MYH2: variants seen among roughly 807,000 people sequenced by gnomAD.
MYH2 encodes the protein myosin-2.
A neutral mutation model predicts 228.1 loss-of-function variants in MYH2; 139 were observed. The observed-to-expected ratio is 0.61, with a 90% CI of 0.53 to 0.70. MYH2 has a LOEUF of 0.70. MYH2 is among the 30% of genes least tolerant of loss of function. The pLI, the probability that MYH2 is intolerant of heterozygous loss-of-function variation, is 0.00. For synonymous variants in MYH2, 796 were observed against 871.1 expected (o/e 0.91, Z 1.52); for missense variants, 1,809 against 2,357.5 (o/e 0.77, Z 4.82).
At chr17:10,526,847 T>G in intron 29 of MYH2, 52 bp from the exon 30 acceptor site, 1 of 1,614,140 alleles carries the variant, frequency 6.2e-7, no homozygotes, top group Non-Finnish European at 8.5e-7. Context: ...TATTTAACTC[T>G]TAACTTTCAA....
intron 30 of MYH2, 98 bp downstream of exon 30, chr17:10,526,501 G>A: frequency 6.4e-7 from 1 of 1,564,026 alleles, no homozygotes; most frequent in Non-Finnish European, 8.8e-7. Flanking sequence ...GCAGATTAAT[G>A]AGCATTTGTG....
At chr17:10,528,112 C>T (rs547918106) in intron 27 of MYH2, among the ~76,000 whole-genome samples, 4 of 142,852 alleles carry the variant, frequency 2.8e-5, no homozygotes, top group East Asian at 4.3e-4. Flanking sequence ...GGCGTGATCT[C>T]GACTCACTGC....
rs2073320274 is a variant in MYH2, at chr17:10,524,231, T to C, written c.5175+235A>G. 6.6e-6 allele frequency among the ~76,000 whole-genome samples: 1 copy of C among 152,204 alleles called. No individual in the cohort carries two copies. The highest frequency in any genetic ancestry group is 1.5e-5 in the Non-Finnish European group (1 of 68,040). ...TATTGATAATGAGGGCCAATAAAGA[T>C]ATTAACACAATAGAATACGGGGGCA... On this transcript the variant is annotated intron_variant, in intron 35 of 39. Transcript: ENST00000245503. This position sits in a 1 kb window ranked among gnomAD's most constrained non-coding sequence, Gnocchi z 4.7.
At chr17:10,535,990 A>T (rs976794824) in intron 17 of MYH2, among the ~76,000 whole-genome samples, 3 of 152,192 alleles carry the variant, frequency 2.0e-5, no homozygotes, top group African/African-American at 7.2e-5. Context: ...TTCATGGCTC[A>T]GCTAGATTAT....
In MYH2 at chr17:10,539,494, T is replaced by C. The variant is rs2073524872; in HGVS notation, c.1216A>G (p.Arg406Gly). The stretch of plus-strand genomic sequence containing the variant: ...ACATACTCATTGCCGACCTTGACCC[T>C]GGGGTAGCAGAGAGCTTTGAGCAGA... ...ADLLKALCYP[R>G]VKVGNEYVTK... Residue 406 changes from arginine to glycine, a missense_variant, in exon 13 of 40, where the codon AGG (arginine) becomes GGG (glycine). By Grantham distance (125) the Arg-to-Gly change is moderately radical. Transcript: ENST00000245503. 2.5e-6 allele frequency: 4 copies of C among 1,614,188 alleles called. No homozygotes were observed. Among genetic ancestry groups the C allele is most frequent in the Non-Finnish European group, 3.4e-6 (4 of 1,180,032 alleles).
intron 4 of MYH2, among the ~76,000 whole-genome samples, chr17:10,545,834 CTT>C (rs1286825054): frequency 4.6e-5 from 7 of 152,076 alleles, no homozygotes; most frequent in Admixed American, 2.6e-4. Context: ...AGTGAGTACT[CTT>C]ATTTCTTCAA....
Position 10,533,315 on chromosome 17 carries a change from C to G in MYH2, c.2411G>C (p.Arg804Thr), listed in dbSNP as rs1234026985. 1 of 1,614,192 alleles carries G rather than the reference C, an allele frequency of 6.2e-7. No individual in the cohort carries two copies. The highest frequency in any genetic ancestry group is 8.5e-7 in the Non-Finnish European group (1 of 1,180,020). Residue 804 changes from arginine to threonine, a missense_variant, in exon 21 of 40, where the codon AGA becomes ACA. Coordinates refer to ENST00000245503, the MANE Select transcript of MYH2 (RefSeq NM_017534.6). ...CTCCACCATCCTCTGGTACTCCACT[C>G]TTGCCAAGAACCCTCTGCACCTGGC... ...TQARCRGFLA[R>T]VEYQRMVERR... is the part of the protein sequence containing the mutation.
chr17:10,548,354 AAG>A (rs966423090), intron 2 of MYH2, among the ~76,000 whole-genome samples: 36 of 152,328 alleles, frequency 2.4e-4, no homozygotes, highest in Admixed American at 2.3e-3. Context: ...TACTTTGAAA[AAG>A]AGGTTTAAAT....
At chr17:10,543,868 G>C (rs2073591283) in intron 7 of MYH2, 34 bp downstream of exon 7, 4 of 1,614,044 alleles carry the variant, frequency 2.5e-6, no homozygotes, top group Non-Finnish European at 3.4e-6. Flanking sequence ...AGTCCCGACA[G>C]AGTCTGGATT....
chr17:10,536,065 T>G (rs768020191), intron 17 of MYH2, among the ~76,000 whole-genome samples: 1 of 152,246 alleles, frequency 6.6e-6, no homozygotes, highest in Non-Finnish European at 1.5e-5. Context: ...TGACTTAGCA[T>G]GAAAAGTGAA....
In MYH2 at chr17:10,537,999, G is replaced by A; in HGVS notation, c.1417-164C>T. On this transcript the variant is annotated intron_variant, in intron 14 of 39. Transcript: ENST00000245503. This position sits in a 1 kb window ranked among gnomAD's most constrained non-coding sequence, Gnocchi z 4.0. ...AAATAAAAGGTGAAAAGTATGGAAG[G>A]TTTGAGGGCATGTGGAAGCTACTAT... The A allele has an allele frequency of 7.6e-7, 1 of 1,320,414 alleles. No individual in the cohort carries two copies. Among genetic ancestry groups the A allele is most frequent in the East Asian group, 2.5e-5 (1 of 39,576 alleles). The allele number at this position is 1,320,414 out of a possible 1,614,324, so 81.8% of individuals were successfully genotyped here.
chr17:10,527,079 C>T lies in MYH2; in HGVS notation c.3872-23G>A, dbSNP rs201576634. ...CACCTGATGGACAAAAGAAATGGCA[C>T]CATTTTTTAGGTGAAAAACAAGATT... On this transcript the variant is annotated intron_variant, in intron 28 of 39. Coordinates refer to ENST00000245503, the MANE Select transcript of MYH2 (RefSeq NM_017534.6). 1.2e-3 allele frequency: 1,874 copies of T among 1,600,648 alleles called. 3 individuals carry two copies. Among genetic ancestry groups the T allele is most frequent in the Non-Finnish European group, 1.5e-3 (1,740 of 1,167,954 alleles).
Position 10,523,793 on chromosome 17 carries a change from T to C in MYH2, c.5267A>G (p.Asn1756Ser), listed in dbSNP as rs1162667363. The change falls in exon 36 of 40, where the codon AAT (asparagine) becomes AGT (serine). Residue 1756 changes from asparagine (N) to serine (S), a missense_variant. By Grantham distance (46) the Asn-to-Ser change is conservative. This residue lies in a region of MYH2 where 278 missense variants were observed against 308.5 expected (regional missense o/e 0.90). Coordinates refer to ENST00000245503, the MANE Select transcript of MYH2 (RefSeq NM_017534.6). ...EMEDILQEAR[N>S]AEEKAKKAIT... is the part of the protein sequence containing the mutation. Reference sequence around the variant, plus strand: ...GGCCTTCTTGGCCTTTTCTTCTGCATTGCGGGCTTCCTGGAGAATGTCCTC... The same window carrying C: ...GGCCTTCTTGGCCTTTTCTTCTGCACTGCGGGCTTCCTGGAGAATGTCCTC... 1.9e-6 allele frequency: 3 copies of C among 1,614,114 alleles called. No homozygotes were observed. In the East Asian group the frequency reaches 6.7e-5, roughly 36 times the overall value.
At chr17:10,546,177 G>A (rs915763673) in intron 4 of MYH2, among the ~76,000 whole-genome samples, 1 of 142,748 alleles carries the variant, frequency 7.0e-6, no homozygotes, top group Non-Finnish European at 1.5e-5. Flanking sequence ...ATTTAAAAAA[G>A]TAAACATGAA....
chr17:10,546,401 G>A (rs1368401897), intron 4 of MYH2, among the ~76,000 whole-genome samples: 1 of 151,158 alleles, frequency 6.6e-6, no homozygotes, highest in East Asian at 1.9e-4. Context: ...TTGTATAGGT[G>A]TTGCCTAGCT....
At chr17:10,530,914 T>C (rs1413909429) in intron 22 of MYH2, among the ~76,000 whole-genome samples, 1 of 152,186 alleles carries the variant, frequency 6.6e-6, no homozygotes, top group Non-Finnish European at 1.5e-5. Flanking sequence ...GAAAAAAATA[T>C]GACTTTATGA....
Position 10,542,885 on chromosome 17 carries a change from TG to T in MYH2, c.893del (p.Pro298GlnfsTer8). 6.3e-7 allele frequency: 1 copy of T among 1,599,468 alleles called. No homozygotes were observed. The highest frequency in any genetic ancestry group is 8.6e-7 in the Non-Finnish European group (1 of 1,167,102). The stretch of plus-strand genomic sequence containing the variant: ...TATGACATTTCTTACCAATAAGTTC[TG>T]GTTTCTTATTCGATGTAATCTGGTA... ...IFYQITSNKK[P>X]ELIEMLLITT... is the part of the protein sequence containing the mutation. On this transcript the variant is annotated frameshift_variant, in exon 10 of 40. Transcript: ENST00000245503. LOFTEE classifies it high-confidence loss of function.
At chr17:10,542,645 G>A (rs902604207) in intron 10 of MYH2, among the ~76,000 whole-genome samples, 11 of 152,188 alleles carry the variant, frequency 7.2e-5, no homozygotes, top group African/African-American at 2.7e-4. Context: ...AGTGTTCATG[G>A]TGGTTATTTC....
chr17:10,537,104 T>G lies in MYH2; in HGVS notation c.1897+129A>C, dbSNP rs1452592749. 1.6e-6 allele frequency: 2 copies of G among 1,234,600 alleles called. No homozygotes were observed. The highest frequency in any genetic ancestry group is 1.7e-5 in the Admixed American group (1 of 59,100). The allele number at this position is 1,234,600 out of a possible 1,614,324, so 76.5% of individuals were successfully genotyped here. ...AAATGTATAATTACAAGGCTGCCTA[T>G]CTATTCAATACTTGGAGGAACCAGG... On this transcript the variant is annotated intron_variant, in intron 16 of 39. Coordinates refer to ENST00000245503, the MANE Select transcript of MYH2 (RefSeq NM_017534.6). The surrounding 1 kb of genome is among the most constrained non-coding windows in gnomAD (Gnocchi z 4.0).
Sources: allele counts gnomAD v4.1 joint callset (sites outside exome capture counted in the v4.1 genomes callset), GRCh38; gene constraint gnomAD v4.1.1; regional missense constraint gnomAD v4.1.1; non-coding constraint Gnocchi (gnomAD v3.1); transcripts MANE v1.5; gene names NCBI Gene and HGNC (gene_info 2026-07-23, HGNC 2026-07-21).